C1QTNF2: variants seen among roughly 807,000 people sequenced by gnomAD.
The protein encoded by C1QTNF2 is complement C1q tumor necrosis factor-related protein 2.
A neutral mutation model predicts 17.4 loss-of-function variants in C1QTNF2; 15 were observed. That is an observed-to-expected ratio of 0.86 (90% CI 0.58 to 1.33). C1QTNF2 has a LOEUF of 1.33. Among genes scored for constraint, C1QTNF2 ranks in the 40% most tolerant of loss-of-function variants. The probability of loss-of-function intolerance (pLI) is 0.00; values close to 1 mark genes in which losing one functional copy is unlikely to be tolerated. For synonymous variants in C1QTNF2, 154 were observed against 163.3 expected, an observed-to-expected ratio of 0.94 and a Z score of 0.44; for missense variants, 381 against 392.3, an observed-to-expected ratio of 0.97 and a Z score of 0.24.
In C1QTNF2 at chr5:160,349,785, G is replaced by T; in HGVS notation, c.245-4C>A. On this transcript the variant is annotated splice_polypyrimidine_tract_variant and splice_region_variant and intron_variant, in intron 2 of 2. Coordinates refer to ENST00000652664, the MANE Select transcript of C1QTNF2 (RefSeq NM_031908.6). The surrounding 1 kb of genome is among the most constrained non-coding windows in gnomAD (Gnocchi z 4.3). ...TTACCTGTCCGGCCAGGTGGACCTG[G>T]AAGACAGAGCAGCTGGTGTTATGGA... The T allele has an allele frequency of 1.3e-6, 2 of 1,518,372 alleles. No homozygotes were observed. The highest frequency in any genetic ancestry group is 4.5e-5 in the East Asian group (2 of 44,400). 94.1% of individuals were successfully genotyped at this position (1,518,372 alleles called of 1,614,324 possible). A position where few individuals can be genotyped will look rare whatever the true frequency, so the allele number is the denominator to read the frequency against.
chr5:160,354,118 T>A (rs1763980479), intron 2 of C1QTNF2, among the ~76,000 whole-genome samples: 1 of 152,154 alleles, frequency 6.6e-6, no homozygotes, highest in African/African-American at 2.4e-5. Context: ...GTCTCAGTTT[T>A]ATGGGCTAAT....
At chr5:160,369,287 G>A (rs1764304318) in intron 1 of C1QTNF2, among the ~76,000 whole-genome samples, 1 of 152,140 alleles carries the variant, frequency 6.6e-6, no homozygotes, top group Non-Finnish European at 1.5e-5. Flanking sequence ...TAAGGTTTAA[G>A]GATTGGAAGA....
At chr5:160,359,896 C>T (rs1764120407) in intron 1 of C1QTNF2, among the ~76,000 whole-genome samples, 2 of 152,220 alleles carry the variant, frequency 1.3e-5, no homozygotes, top group African/African-American at 4.8e-5. Flanking sequence ...GCTCTAGCCC[C>T]TGCCCCAGCC....
chr5:160,354,712 C>A (rs982574637), intron 2 of C1QTNF2, 56 bp downstream of exon 2: 1 of 1,605,900 alleles, frequency 6.2e-7, no homozygotes, highest in Non-Finnish European at 8.5e-7. Flanking sequence ...ATGCCCCCCA[C>A]ATGCCGGATG....
At chr5:160,354,742 G>C (rs752106870) in intron 2 of C1QTNF2, 26 bp downstream of exon 2, 2 of 1,613,062 alleles carry the variant, frequency 1.2e-6, no homozygotes, top group East Asian at 2.2e-5. Context: ...AGGTGGGAAC[G>C]AGAGTGGCAC....
chr5:160,366,425 G>A (rs746815890), intron 1 of C1QTNF2, among the ~76,000 whole-genome samples: 1 of 152,174 alleles, frequency 6.6e-6, no homozygotes, highest in African/African-American at 2.4e-5. Flanking sequence ...AGAGAAAGAT[G>A]ATGTCATGGG....
At chr5:160,355,421 AT>A (rs1260480177) in intron 1 of C1QTNF2, 1 of 217,226 alleles carries the variant, frequency 4.6e-6, no homozygotes, top group East Asian at 1.8e-4. Context: ...TACAAGGGTA[AT>A]GTTTGAATTG....
intron 2 of C1QTNF2, among the ~76,000 whole-genome samples, chr5:160,353,818 T>G (rs1763974640): frequency 9.1e-6 from 1 of 110,058 alleles, no homozygotes; most frequent in Non-Finnish European, 1.9e-5. Context: ...TTTTTTTTTT[T>G]TTTGAGACAC....
chr5:160,349,052 C>T lies in C1QTNF2; in HGVS notation c.*116G>A. On this transcript the variant is annotated 3_prime_UTR_variant, in exon 3 of 3. Coordinates refer to ENST00000652664, the MANE Select transcript of C1QTNF2 (RefSeq NM_031908.6). This position sits in a 1 kb window ranked among gnomAD's most constrained non-coding sequence, Gnocchi z 4.3. Reference sequence around the variant, plus strand: ...GAAAAAAAGAGGCAGAGGAGGTGAGCCTGAGGCTAGAACCGCTCACTCGAC... The same window carrying T: ...GAAAAAAAGAGGCAGAGGAGGTGAGTCTGAGGCTAGAACCGCTCACTCGAC... The T allele has an allele frequency of 1.1e-5, 14 of 1,299,820 alleles. No homozygotes were observed. Among genetic ancestry groups the T allele is most frequent in the Non-Finnish European group, 1.5e-5 (14 of 951,070 alleles). 80.5% of individuals were successfully genotyped at this position (1,299,820 alleles called of 1,614,324 possible).
Position 160,347,844 on chromosome 5 carries a change from C to G in C1QTNF2, c.*1324G>C, listed in dbSNP as rs750059557. 6.6e-6 allele frequency: 1 copy of G among 151,700 alleles called. No individual in the cohort carries two copies. Among genetic ancestry groups the G allele is most frequent in the Non-Finnish European group, 1.5e-5 (1 of 67,986 alleles). 9.4% of individuals were successfully genotyped at this position (151,700 alleles called of 1,614,324 possible). ...GCAGGATCTCAGCTAACTGCAACCT[C>G]CACCTCCTGGGTTCAAGCGATTCTC... On this transcript the variant is annotated 3_prime_UTR_variant, in exon 3 of 3. Coordinates refer to ENST00000652664, the MANE Select transcript of C1QTNF2 (RefSeq NM_031908.6).
At chr5:160,367,741 C>T (rs1349013112) in intron 1 of C1QTNF2, among the ~76,000 whole-genome samples, 1 of 152,170 alleles carries the variant, frequency 6.6e-6, no homozygotes, top group Non-Finnish European at 1.5e-5. Flanking sequence ...GGACAGAGAG[C>T]CTGTGTTCTA....
At chr5:160,356,190 C>T (rs554069999) in intron 1 of C1QTNF2, among the ~76,000 whole-genome samples, 2 of 152,228 alleles carry the variant, frequency 1.3e-5, no homozygotes, top group Non-Finnish European at 2.9e-5. Flanking sequence ...TTAACAGCCT[C>T]TCTCTCAAGA....
intron 1 of C1QTNF2, among the ~76,000 whole-genome samples, chr5:160,359,952 C>A (rs1008117608): frequency 6.6e-6 from 1 of 152,132 alleles, no homozygotes; most frequent in African/African-American, 2.4e-5. Flanking sequence ...CAGCACCCAC[C>A]CCCCCTACCT....
At chr5:160,366,927 G>A (rs894129814) in intron 1 of C1QTNF2, among the ~76,000 whole-genome samples, 2 of 151,414 alleles carry the variant, frequency 1.3e-5, no homozygotes, top group Non-Finnish European at 2.9e-5. Flanking sequence ...GGGGGGCTGA[G>A]TGGGGAGAAT....
In C1QTNF2 at chr5:160,349,175, T is replaced by C. The variant is rs746933999; in HGVS notation, c.851A>G (p.Glu284Gly). The stretch of plus-strand genomic sequence containing the variant: ...AGGACCGCCGTGGCATGTCTATACC[T>C]CGTTGGGGTCATCCTGGTCGGCATA... ...LIYADQDDPNEV is the reference protein window; with the variant it reads ...LIYADQDDPNGV The change falls in exon 3 of 3, where the codon GAG (glutamate) becomes GGG (glycine). Residue 284 changes from glutamate to glycine, a missense_variant. Physicochemically the swap from Glu to Gly is moderately conservative, Grantham distance 98 (BLOSUM62 -2). Transcript: ENST00000652664. This position sits in a 1 kb window ranked among gnomAD's most constrained non-coding sequence, Gnocchi z 4.3. The C allele has an allele frequency of 6.2e-7, 1 of 1,612,188 alleles. No individual in the cohort carries two copies. The highest frequency in any genetic ancestry group is 2.2e-5 in the East Asian group (1 of 44,836).
In C1QTNF2 at chr5:160,351,954, A is replaced by C. The variant is rs557862066; in HGVS notation, c.245-2173T>G. Among the ~76,000 whole-genome samples, 201 of 150,974 alleles carry C rather than the reference A, an allele frequency of 1.3e-3. 2 individuals are homozygous for C. The highest frequency in any genetic ancestry group is 4.8e-3 in the African/African-American group (196 of 40,990). ...AAGATAGAGTCTCACGCTGTTACGC[A>C]GGCTGGAGTGCAGTGGCGCGATCAT... On this transcript the variant is annotated intron_variant, in intron 2 of 2. Transcript: ENST00000652664.
chr5:160,365,383 G>T (rs974399629), intron 1 of C1QTNF2, among the ~76,000 whole-genome samples: 11 of 152,130 alleles, frequency 7.2e-5, no homozygotes, highest in African/African-American at 2.7e-4. Flanking sequence ...GTCATTTCTG[G>T]TCAGGCCTTG....
chr5:160,354,548 C>G (rs1763989289), intron 2 of C1QTNF2, among the ~76,000 whole-genome samples: 2 of 141,548 alleles, frequency 1.4e-5, no homozygotes, highest in Admixed American at 1.5e-4. Flanking sequence ...CACTGCACAC[C>G]AGCCTGGGCG....
intron 1 of C1QTNF2, among the ~76,000 whole-genome samples, chr5:160,362,315 C>T (rs1327446414): frequency 2.6e-5 from 4 of 152,168 alleles, no homozygotes; most frequent in Admixed American, 6.5e-5. Flanking sequence ...ACGACAGCTC[C>T]GAGAACACCC....
Sources: allele counts gnomAD v4.1 joint callset (sites outside exome capture counted in the v4.1 genomes callset), GRCh38; gene constraint gnomAD v4.1.1; non-coding constraint Gnocchi (gnomAD v3.1); transcripts MANE v1.5; gene names NCBI Gene and HGNC (gene_info 2026-07-23, HGNC 2026-07-21).